Variants in NCK2 observed in about 807,000 individuals in gnomAD.
The protein encoded by NCK2 is NCK adaptor protein 2, also known as cytoplasmic protein NCK2.
In NCK2, 16 loss-of-function variants were observed where a neutral mutation model predicts 33.9. The ratio of observed to expected loss-of-function variants is 0.47; its 90% CI spans 0.32 to 0.72. The LOEUF (loss-of-function observed/expected upper bound fraction) is 0.72. Ranked by LOEUF, NCK2 falls within the 30% of genes least tolerant of loss-of-function variation. NCK2 has a pLI of 0.03. For synonymous variants in NCK2, 273 were observed against 239.9 expected, an observed-to-expected ratio of 1.14 and a Z score of -1.27; for missense variants, 418 against 537.3, an observed-to-expected ratio of 0.78 and a Z score of 2.19.
rs528532078 is a variant in NCK2, at chr2:105,822,335, C to G, written c.-17+5722C>G. On this transcript the variant is annotated intron_variant, in intron 2 of 4. Transcript: ENST00000233154. ...GGCTTCCAGCTCCACCCATGGAGGC[C>G]CAGGATGGTGCTCAGAGTCGCCTTG... Among the ~76,000 whole-genome samples, 173 of 150,308 alleles carry G rather than the reference C, an allele frequency of 1.2e-3. 2 individuals are homozygous for G. The highest frequency in any genetic ancestry group is 2.0e-3 in the Non-Finnish European group (138 of 67,980).
chr2:105,835,397 A>ATACATATATATATATGTATG (rs1553458588), intron 2 of NCK2, among the ~76,000 whole-genome samples: 14 of 97,440 alleles, frequency 1.4e-4, no homozygotes, highest in South Asian at 4.0e-4. Context: ...ACATATATAT[A>ATACATATATATATATGTATG]TATATATACG....
chr2:105,891,648 C>T (rs896995954), intron 4 of NCK2, among the ~76,000 whole-genome samples: 2 of 141,080 alleles, frequency 1.4e-5, no homozygotes, highest in Admixed American at 1.6e-4. Flanking sequence ...CAGGTTCAAG[C>T]GATTCTCCTG....
At chr2:105,826,987 C>CTTTTTTA (rs1014383809) in intron 2 of NCK2, among the ~76,000 whole-genome samples, 1 of 151,840 alleles carries the variant, frequency 6.6e-6, no homozygotes, top group Non-Finnish European at 1.5e-5. Flanking sequence ...ACATAGCATT[C>CTTTTTTA]TTTTTTATTT....
chr2:105,812,283 C>T (rs1161251136), intron 1 of NCK2, among the ~76,000 whole-genome samples: 1 of 152,186 alleles, frequency 6.6e-6, no homozygotes. Context: ...CCTTGGACAC[C>T]TTTGAGTTTC....
intron 2 of NCK2, among the ~76,000 whole-genome samples, chr2:105,835,227 G>C (rs1573178339): frequency 6.6e-6 from 1 of 150,778 alleles, no homozygotes; most frequent in South Asian, 2.1e-4. Context: ...CCAAATGTAG[G>C]GTTTCCTTAA....
intron 1 of NCK2, among the ~76,000 whole-genome samples, chr2:105,800,155 C>T (rs12476157): frequency 0.32 from 48,770 of 152,024 alleles, 9,213 homozygotes; most frequent in Middle Eastern, 0.43. Context: ...CTGGCTGCAC[C>T]GTATAGTCTG....
At chr2:105,786,472 C>T (rs996823915) in intron 1 of NCK2, among the ~76,000 whole-genome samples, 1 of 152,230 alleles carries the variant, frequency 6.6e-6, no homozygotes, top group African/African-American at 2.4e-5. Flanking sequence ...GTGGCCCTGG[C>T]CGCTGCTGGG....
intron 1 of NCK2, among the ~76,000 whole-genome samples, chr2:105,810,411 C>G (rs1675247218): frequency 6.6e-6 from 1 of 152,156 alleles, no homozygotes. Context: ...CCTGACTCCT[C>G]ACTCTTCCCT....
At chr2:105,871,330 G>T (rs1677993320) in intron 3 of NCK2, among the ~76,000 whole-genome samples, 1 of 151,836 alleles carries the variant, frequency 6.6e-6, no homozygotes, top group South Asian at 2.1e-4. Flanking sequence ...GCTGCGCCAC[G>T]TTATTGTAGT....
At position 105,881,297 on chromosome 2, in the gene NCK2, T is replaced by C. The variant is rs765438756; in HGVS notation, c.227-31T>C. 5.2e-6 allele frequency: 8 copies of C among 1,553,000 alleles called. No individual in the cohort carries two copies. In the South Asian group the frequency reaches 7.2e-5, roughly 14 times the overall value. On this transcript the variant is annotated intron_variant, in intron 3 of 4. Coordinates refer to ENST00000233154, the MANE Select transcript of NCK2 (RefSeq NM_003581.5). Reference sequence around the variant, plus strand: ...GGAGTGTGGTGGTGCCCAAGTGCCCTGCGCCACTGAGCCTTGCTGTGTCTC... The same window carrying C: ...GGAGTGTGGTGGTGCCCAAGTGCCCCGCGCCACTGAGCCTTGCTGTGTCTC...
intron 3 of NCK2, among the ~76,000 whole-genome samples, 176 bp from the exon 4 acceptor site, chr2:105,881,152 G>A (rs1573243533): frequency 6.6e-6 from 1 of 152,136 alleles, no homozygotes; most frequent in East Asian, 1.9e-4. Context: ...CGCAACTACA[G>A]GAGGCAGCTG....
At position 105,868,200 on chromosome 2, in the gene NCK2, G is replaced by A. The variant is rs142827715; in HGVS notation, c.226+12911G>A. Among the ~76,000 whole-genome samples, 648 of 152,358 alleles carry A rather than the reference G, an allele frequency of 4.3e-3. 2 individuals are homozygous for A. The highest frequency in any genetic ancestry group is 0.014 in the African/African-American group (589 of 41,594). On this transcript the variant is annotated intron_variant, in intron 3 of 4. Transcript: ENST00000233154. ...TGGGTGTATTTCTGCACATCAGCCT[G>A]CATTGACTCATGTCAGTTTTTGCCC... is the stretch of plus-strand genomic sequence containing the variant.
chr2:105,865,767 T>A (rs1677724043), intron 3 of NCK2, among the ~76,000 whole-genome samples: 1 of 152,206 alleles, frequency 6.6e-6, no homozygotes, highest in Non-Finnish European at 1.5e-5. Context: ...GCATGAGTCA[T>A]CTTCAGCATC....
At chr2:105,787,004 C>G (rs1332335982) in intron 1 of NCK2, among the ~76,000 whole-genome samples, 4 of 152,260 alleles carry the variant, frequency 2.6e-5, no homozygotes, top group African/African-American at 9.6e-5. Context: ...CTTGGTGGCT[C>G]TCAATGGGGT....
chr2:105,858,334 C>A (rs993458760), intron 3 of NCK2, among the ~76,000 whole-genome samples: 2 of 152,142 alleles, frequency 1.3e-5, no homozygotes, highest in East Asian at 3.9e-4. Context: ...TCCCTGCTTA[C>A]TGTAGTATTG....
At chr2:105,786,843 C>T (rs1690697389) in intron 1 of NCK2, among the ~76,000 whole-genome samples, 1 of 91,810 alleles carries the variant, frequency 1.1e-5, no homozygotes, top group South Asian at 4.8e-4. Flanking sequence ...TCTACCAGCC[C>T]TGCTCCCACC....
chr2:105,811,960 C>A (rs1203554522), intron 1 of NCK2, among the ~76,000 whole-genome samples: 2 of 152,134 alleles, frequency 1.3e-5, no homozygotes, highest in African/African-American at 2.4e-5. Flanking sequence ...AAACTCTAAT[C>A]AGTCACTTTT....
intron 2 of NCK2, among the ~76,000 whole-genome samples, chr2:105,844,906 T>C (rs1676798035): frequency 6.6e-6 from 1 of 151,852 alleles, no homozygotes; most frequent in South Asian, 2.1e-4. Context: ...ATAGGGATGG[T>C]TTCTTTAACA....
chr2:105,805,459 A>G (rs1244400500), intron 1 of NCK2, among the ~76,000 whole-genome samples: 1 of 152,206 alleles, frequency 6.6e-6, no homozygotes, highest in Admixed American at 6.5e-5. Flanking sequence ...AATAATAATA[A>G]ATTTGTTTTC....
Sources: gnomAD v4.1 joint callset for allele counts (sites outside exome capture counted in the v4.1 genomes callset) on GRCh38, gnomAD v4.1.1 for gene constraint, MANE v1.5 for transcripts, NCBI Gene and HGNC (gene_info 2026-07-23, HGNC 2026-07-21) for gene names.